NR5A2: variants seen among roughly 807,000 people sequenced by gnomAD.
NR5A2 encodes the protein CYP7A promoter-binding factor.
NR5A2 carries 26 observed loss-of-function variants against 62.7 expected under a neutral mutation model. The observed-to-expected ratio is 0.41, with a 90% CI of 0.30 to 0.58. The LOEUF (loss-of-function observed/expected upper bound fraction) is 0.58. Ranked by LOEUF, NR5A2 falls within the 20% of genes least tolerant of loss-of-function variation. The pLI, the probability that NR5A2 is intolerant of heterozygous loss-of-function variation, is 0.22. For missense variants in NR5A2, 541 were observed against 669.1 expected (o/e 0.81, Z 2.11); for synonymous variants, 246 against 241.7 (o/e 1.02, Z -0.16).
At chr1:200,149,314 A>G (rs2102360876) in intron 7 of NR5A2, among the ~76,000 whole-genome samples, 1 of 152,330 alleles carries the variant, frequency 6.6e-6, no homozygotes, top group Middle Eastern at 3.4e-3. Flanking sequence ...TGTGGGTCGC[A>G]ATAACTGATG....
intron 5 of NR5A2, among the ~76,000 whole-genome samples, chr1:200,066,572 C>G (rs1037758645): frequency 3.6e-5 from 5 of 139,294 alleles, no homozygotes; most frequent in African/African-American, 1.5e-4. Context: ...TCCCTGCCAT[C>G]TATTTAATTA....
At chr1:200,031,533 A>G (rs1449879303) in intron 1 of NR5A2, among the ~76,000 whole-genome samples, 1 of 151,176 alleles carries the variant, frequency 6.6e-6, no homozygotes, top group Non-Finnish European at 1.5e-5. Context: ...AAAACAAAAC[A>G]AAACAAAACA....
intron 5 of NR5A2, among the ~76,000 whole-genome samples, chr1:200,086,447 G>A (rs980283304): frequency 6.6e-6 from 1 of 152,022 alleles, no homozygotes; most frequent in African/African-American, 2.4e-5. Context: ...GGGATTACAG[G>A]CATGCGCCAC....
chr1:200,038,343 G>C (rs2102142236), intron 1 of NR5A2, among the ~76,000 whole-genome samples: 1 of 152,328 alleles, frequency 6.6e-6, no homozygotes, highest in Non-Finnish European at 1.5e-5. Flanking sequence ...CCAGTCGAGG[G>C]TCTTTTAAAA....
At chr1:200,044,433 A>G (rs1260556824) in intron 3 of NR5A2, 4 of 152,048 alleles carry the variant, frequency 2.6e-5, no homozygotes, top group South Asian at 4.1e-4. Context: ...AGTTTTTAAT[A>G]TAATAATTTT....
chr1:200,161,592 C>A (rs921902366), intron 7 of NR5A2, among the ~76,000 whole-genome samples: 1 of 152,152 alleles, frequency 6.6e-6, no homozygotes, highest in Non-Finnish European at 1.5e-5. Flanking sequence ...CAACATCAAA[C>A]ATATCAAATG....
At chr1:200,061,270 A>ATTAAC (rs1398859703) in intron 5 of NR5A2, among the ~76,000 whole-genome samples, 1 of 138,572 alleles carries the variant, frequency 7.2e-6, no homozygotes, top group Non-Finnish European at 1.5e-5. Context: ...AACATTCGGG[A>ATTAAC]TTAACTTTTT....
chr1:200,064,867 G>A (rs1473604844), intron 5 of NR5A2, among the ~76,000 whole-genome samples: 2 of 151,948 alleles, frequency 1.3e-5, no homozygotes, highest in African/African-American at 4.8e-5. Flanking sequence ...GTAAATTTTG[G>A]TTATTGATGA....
chr1:200,046,777 AT>A (rs927652059), intron 4 of NR5A2, among the ~76,000 whole-genome samples: 4 of 152,242 alleles, frequency 2.6e-5, no homozygotes, highest in Non-Finnish European at 5.9e-5. Context: ...GACTCAGAAG[AT>A]AAGTAAATGT....
intron 5 of NR5A2, among the ~76,000 whole-genome samples, chr1:200,100,260 C>T (rs1437647258): frequency 6.6e-6 from 1 of 152,158 alleles, no homozygotes; most frequent in Non-Finnish European, 1.5e-5. Context: ...AGTTCATGAA[C>T]ATTTTGCATC....
At chr1:200,060,504 T>C (rs541155478) in intron 5 of NR5A2, among the ~76,000 whole-genome samples, 1 of 152,066 alleles carries the variant, frequency 6.6e-6, no homozygotes, top group South Asian at 2.1e-4. Context: ...GCAGGAGAGG[T>C]TACTGAGGCT....
intron 5 of NR5A2, among the ~76,000 whole-genome samples, chr1:200,108,275 C>T (rs779491451): frequency 1.3e-5 from 2 of 151,576 alleles, no homozygotes; most frequent in African/African-American, 4.9e-5. Flanking sequence ...TTGTAATCTC[C>T]CTATGTTGCC....
chr1:200,070,488 G>A (rs999518734), intron 5 of NR5A2, among the ~76,000 whole-genome samples: 1 of 152,002 alleles, frequency 6.6e-6, no homozygotes, highest in Non-Finnish European at 1.5e-5. Flanking sequence ...CTAAGACAAG[G>A]AGTCTCAGCA....
intron 7 of NR5A2, among the ~76,000 whole-genome samples, chr1:200,139,610 G>A (rs1319493173): frequency 1.3e-5 from 2 of 152,048 alleles, no homozygotes; most frequent in African/African-American, 2.4e-5. Context: ...TTATTTTATT[G>A]TTCTGGTTCT....
At chr1:200,064,167 C>G (rs113648447) in intron 5 of NR5A2, among the ~76,000 whole-genome samples, 1 of 151,216 alleles carries the variant, frequency 6.6e-6, no homozygotes, top group Non-Finnish European at 1.5e-5. Flanking sequence ...AAAAAAAGGA[C>G]GAGAGCCGTC....
chr1:200,056,902 G>A (rs1467120049), intron 5 of NR5A2, among the ~76,000 whole-genome samples: 1 of 152,110 alleles, frequency 6.6e-6, no homozygotes, highest in Non-Finnish European at 1.5e-5. Context: ...AGTGAGAGTA[G>A]GACCACACTG....
chr1:200,073,988 TTGCAGAGA>T (rs1267551899), intron 5 of NR5A2, among the ~76,000 whole-genome samples: 2 of 152,172 alleles, frequency 1.3e-5, no homozygotes, highest in African/African-American at 4.8e-5. Flanking sequence ...AGGGAAAACT[TTGCAGAGA>T]TGGTGCCATT....
At chr1:200,139,593 T>C (rs558675519) in intron 7 of NR5A2, among the ~76,000 whole-genome samples, 1 of 152,356 alleles carries the variant, frequency 6.6e-6, no homozygotes, top group Admixed American at 6.5e-5. Flanking sequence ...TATTCTCTTA[T>C]CTTTTGTTAT....
At chr1:200,115,153 TG>T (rs775420603) in intron 6 of NR5A2, among the ~76,000 whole-genome samples, 1 of 152,208 alleles carries the variant, frequency 6.6e-6, no homozygotes, top group Non-Finnish European at 1.5e-5. Context: ...ATGTGATTGT[TG>T]CTTAGTGTTA....
Sources: allele counts gnomAD v4.1 joint callset (sites outside exome capture counted in the v4.1 genomes callset), GRCh38; gene constraint gnomAD v4.1.1; transcripts MANE v1.5; gene names NCBI Gene and HGNC (gene_info 2026-07-23, HGNC 2026-07-21).